The following ACSBG2 variants were observed in gnomAD, a reference collection of about 807,000 sequenced individuals.
The protein encoded by ACSBG2 is acyl-CoA synthetase bubblegum family member 2.
A neutral mutation model predicts 74.7 loss-of-function variants in ACSBG2; 62 were observed. The ratio of observed to expected loss-of-function variants is 0.83; its 90% CI spans 0.68 to 1.03. ACSBG2 has a LOEUF of 1.03. Ranked by LOEUF, ACSBG2 falls within the 50% of genes least tolerant of loss-of-function variation. ACSBG2 has a pLI of 0.00. For missense variants in ACSBG2, 730 were observed against 817.6 expected (o/e 0.89, Z 1.31); for synonymous variants, 309 against 294.1 (o/e 1.05, Z -0.52).
At chr19:6,182,721 C>G in intron 8 of ACSBG2, 30 bp from the exon 9 acceptor site, 1 of 1,605,736 alleles carries the variant, frequency 6.2e-7, no homozygotes, top group Non-Finnish European at 8.5e-7. Flanking sequence ...GAAGGCCCTG[C>G]TGTGGCTAAC....
At position 6,161,296 on chromosome 19, in the gene ACSBG2, G is replaced by C. The variant is rs1375179022; in HGVS notation, c.588+1G>C. ...GAAGAAGAACAACAACTTGTACTCT[G>C]TAAGTGTGGGAGGTGGGCACTGGGG... On this transcript the variant is annotated splice_donor_variant, in intron 6 of 14. Transcript: ENST00000588485. LOFTEE classifies it high-confidence loss of function. The C allele has an allele frequency of 2.5e-6, 4 of 1,607,874 alleles. No individual in the cohort carries two copies. The highest frequency in any genetic ancestry group is 3.4e-6 in the Non-Finnish European group (4 of 1,175,712).
chr19:6,151,442 GGAC>G (rs2089236255), intron 3 of ACSBG2, among the ~76,000 whole-genome samples: 1 of 152,020 alleles, frequency 6.6e-6, no homozygotes, highest in Non-Finnish European at 1.5e-5. Flanking sequence ...CAAGTAGCCG[GGAC>G]GACAAGTGTG....
chr19:6,176,005 A>C (rs2090078591), intron 7 of ACSBG2: 2 of 211,794 alleles, frequency 9.4e-6, no homozygotes, highest in Admixed American at 5.9e-5. Context: ...CACTTGCTGA[A>C]TCCAGTTTTC....
At chr19:6,175,866 C>A (rs1286710102) in intron 7 of ACSBG2, 1 of 152,698 alleles carries the variant, frequency 6.5e-6, no homozygotes, top group East Asian at 1.9e-4. Context: ...ATGTTGGTTC[C>A]ATAGTTCTAT....
At chr19:6,181,717 A>G (rs1285800126) in intron 8 of ACSBG2, among the ~76,000 whole-genome samples, 1 of 151,060 alleles carries the variant, frequency 6.6e-6, no homozygotes, top group Non-Finnish European at 1.5e-5. Context: ...ATTTTGAGGT[A>G]ATTTTCATGT....
Position 6,185,538 on chromosome 19 carries a change from T to C in ACSBG2, c.1425T>C (p.Tyr475=). 6.2e-7 allele frequency: 1 copy of C among 1,614,198 alleles called. No individual in the cohort carries two copies. Reference sequence around the variant, plus strand: ...GGGGTAGGCACATCTTCATGGGCTATCTGGAAAGTGAGACTGAAACTACAG... The same window carrying C: ...GGGGTAGGCACATCTTCATGGGCTACCTGGAAAGTGAGACTGAAACTACAG... The part of the protein sequence containing the change: ...CLWGRHIFMG[Y]LESETETTEA... The change falls in exon 11 of 15, where the codon TAT becomes TAC. Residue 475 remains tyrosine, a synonymous_variant. Transcript: ENST00000588485.
chr19:6,160,918 G>A (rs146589181), intron 5 of ACSBG2, among the ~76,000 whole-genome samples: 3,153 of 152,164 alleles, frequency 0.021, 113 homozygotes, highest in African/African-American at 0.071. Context: ...TGGCCAATAC[G>A]GTGAAACCCC....
intron 7 of ACSBG2, 50 bp downstream of exon 7, chr19:6,166,065 CT>C: frequency 6.2e-7 from 1 of 1,606,990 alleles, no homozygotes; most frequent in Non-Finnish European, 8.5e-7. Context: ...GGCTGTTTCT[CT>C]TGTTGGCTTC....
At position 6,180,283 on chromosome 19, in the gene ACSBG2, A is replaced by G. The variant is rs2090210603; in HGVS notation, c.907-2468A>G. Reference sequence around the variant, plus strand: ...ACGTGGACATCTTTAGGGGGCCATTATTTTGCCTCCCACACTCTCCATCAA... The same window carrying G: ...ACGTGGACATCTTTAGGGGGCCATTGTTTTGCCTCCCACACTCTCCATCAA... On this transcript the variant is annotated intron_variant, in intron 8 of 14. Transcript: ENST00000588485. This position sits in a 1 kb window ranked among gnomAD's most constrained non-coding sequence, Gnocchi z 4.3. Among the ~76,000 whole-genome samples the G allele has an allele frequency of 6.6e-6, 1 of 152,096 alleles. No individual in the cohort carries two copies. The highest frequency in any genetic ancestry group is 1.5e-5 in the Non-Finnish European group (1 of 68,006).
chr19:6,154,117 T>G (rs2145072601), intron 4 of ACSBG2, among the ~76,000 whole-genome samples: 1 of 151,992 alleles, frequency 6.6e-6, no homozygotes, highest in African/African-American at 2.4e-5. Flanking sequence ...ATATATATAT[T>G]TTGAGGCCGG....
rs79305723 is a variant in ACSBG2 at position 6,150,607 on chromosome 19, C to T, written c.298-1100C>T. ...TAAGCCAGACACAAAAGGGCAAATC[C>T]CGTATGGTTTCTTTCCTAGGAGGTC... On this transcript the variant is annotated intron_variant, in intron 3 of 14. Coordinates refer to ENST00000588485, the MANE Select transcript of ACSBG2 (RefSeq NM_030924.5). 5.1e-3 allele frequency among the ~76,000 whole-genome samples: 780 copies of T among 152,170 alleles called. 9 individuals carry two copies. Among genetic ancestry groups the T allele is most frequent in the African/African-American group, 0.018 (744 of 41,510 alleles).
chr19:6,137,899 C>A (rs1406676554), intron 1 of ACSBG2, among the ~76,000 whole-genome samples: 3 of 152,170 alleles, frequency 2.0e-5, no homozygotes, highest in African/African-American at 7.2e-5. Context: ...GGTGATCCAC[C>A]CGCCTCGGCC....
intron 5 of ACSBG2, among the ~76,000 whole-genome samples, chr19:6,160,103 C>T (rs766138911): frequency 1.1e-4 from 17 of 151,938 alleles, no homozygotes; most frequent in Non-Finnish European, 2.2e-4. Context: ...ATAAAAATCT[C>T]GCAGGGGCCG....
chr19:6,191,863 A>G (rs768763965), intron 14 of ACSBG2: 3 of 152,118 alleles, frequency 2.0e-5, no homozygotes, highest in Non-Finnish European at 4.4e-5. Context: ...AGTTCAACGT[A>G]CCACATTCAT....
intron 7 of ACSBG2, among the ~76,000 whole-genome samples, chr19:6,172,489 T>C (rs1037550986): frequency 6.6e-6 from 1 of 151,344 alleles, no homozygotes; most frequent in African/African-American, 2.5e-5. Flanking sequence ...ACAGCTTCTG[T>C]GCAGTGGCTA....
At chr19:6,179,178 A>G (rs2090173116) in intron 8 of ACSBG2, among the ~76,000 whole-genome samples, 1 of 148,566 alleles carries the variant, frequency 6.7e-6, no homozygotes, top group Non-Finnish European at 1.5e-5. Context: ...TGGATCCCCT[A>G]TTTTCTGGGG....
In ACSBG2 at chr19:6,161,213, A is replaced by G; in HGVS notation, c.508-2A>G. On this transcript the variant is annotated splice_acceptor_variant, in intron 5 of 14. Coordinates refer to ENST00000588485, the MANE Select transcript of ACSBG2 (RefSeq NM_030924.5). LOFTEE classifies it high-confidence loss of function. ...TGAAGCCCACAGGGAACTTTCTTTC[A>G]GATTCCACAGAGCAGCCTAGAGCCC... 6.2e-7 allele frequency: 1 copy of G among 1,612,936 alleles called. No individual in the cohort carries two copies. Among genetic ancestry groups the G allele is most frequent in the African/African-American group, 1.3e-5 (1 of 74,960 alleles).
chr19:6,174,060 C>G lies in ACSBG2; in HGVS notation c.739-3169C>G, dbSNP rs1265734738. 1.3e-5 allele frequency among the ~76,000 whole-genome samples: 2 copies of G among 152,096 alleles called. No homozygotes were observed. Reference sequence around the variant, plus strand: ...CAAGCGATTCCCCCACCTCAGCCTCCTGAGTAGCAGGGATTACAGACGTGT... The same window carrying G: ...CAAGCGATTCCCCCACCTCAGCCTCGTGAGTAGCAGGGATTACAGACGTGT... On this transcript the variant is annotated intron_variant, in intron 7 of 14. Coordinates refer to ENST00000588485, the MANE Select transcript of ACSBG2 (RefSeq NM_030924.5). This position sits in a 1 kb window ranked among gnomAD's most constrained non-coding sequence, Gnocchi z 4.2.
chr19:6,182,104 G>A (rs556417613), intron 8 of ACSBG2, among the ~76,000 whole-genome samples: 4 of 152,036 alleles, frequency 2.6e-5, no homozygotes, highest in Non-Finnish European at 5.9e-5. Context: ...TTTAAAATCA[G>A]GTAGTAAGTC....
Sources: allele counts gnomAD v4.1 joint callset (sites outside exome capture counted in the v4.1 genomes callset), GRCh38; gene constraint gnomAD v4.1.1; non-coding constraint Gnocchi (gnomAD v3.1); transcripts MANE v1.5; gene names NCBI Gene and HGNC (gene_info 2026-07-23, HGNC 2026-07-21).